PIP4K2B: variants seen among roughly 807,000 people sequenced by gnomAD.
PIP4K2B encodes the protein phosphatidylinositol 5-phosphate 4-kinase type-2 beta.
In PIP4K2B, 3 loss-of-function variants were observed where a neutral mutation model predicts 42.0. That is an observed-to-expected ratio of 0.07 (90% confidence interval 0.03 to 0.18). The LOEUF (loss-of-function observed/expected upper bound fraction) is 0.18. PIP4K2B is among the 10% of genes least tolerant of loss of function. The pLI, the probability that PIP4K2B is intolerant of heterozygous loss-of-function variation, is 1.00. For synonymous variants in PIP4K2B, 204 were observed against 210.1 expected (o/e 0.97, Z 0.25); for missense variants, 332 against 562.3 (o/e 0.59, Z 4.14).
intron 2 of PIP4K2B, among the ~76,000 whole-genome samples, chr17:38,785,831 G>A (rs1184836965): frequency 2.6e-5 from 4 of 152,186 alleles, no homozygotes. Context: ...CCCTGAAGGG[G>A]GTAGTGGTGC....
Position 38,799,430 on chromosome 17 carries a change from G to GGGCGGC in PIP4K2B, c.-12_-7dup, listed in dbSNP as rs538543660. The GGGCGGC allele has an allele frequency of 1.4e-4, 220 of 1,574,950 alleles. No homozygotes were observed. The highest frequency in any genetic ancestry group is 1.0e-3 in the African/African-American group (73 of 72,684). On this transcript the variant is annotated 5_prime_UTR_variant, in exon 1 of 10. Transcript: ENST00000619039. This position sits in a 1 kb window ranked among gnomAD's most constrained non-coding sequence, Gnocchi z 4.4. ...CTGGTGCAGTTGGACGACATGCCCG[G>GGGCGGC]GGCGGCGGCGGCGGCGGCGAAAGAG...
chr17:38,788,321 C>T (rs1910154576), intron 1 of PIP4K2B, among the ~76,000 whole-genome samples: 1 of 151,958 alleles, frequency 6.6e-6, no homozygotes, highest in Admixed American at 6.6e-5. Flanking sequence ...CTGCCTCAGC[C>T]TCCAGAGTAG....
At chr17:38,777,294 A>G (rs774478243) in intron 7 of PIP4K2B, among the ~76,000 whole-genome samples, 1 of 152,054 alleles carries the variant, frequency 6.6e-6, no homozygotes, top group Non-Finnish European at 1.5e-5. Context: ...TGAACTGCTG[A>G]GCTCAAGCGA....
Position 38,780,437 on chromosome 17 carries a change from T to C in PIP4K2B, c.507+15A>G. 4 of 1,600,404 alleles carry C rather than the reference T, an allele frequency of 2.5e-6. No individual in the cohort carries two copies. The highest frequency in any genetic ancestry group is 2.2e-5 in the South Asian group (2 of 90,442). ...CAACCCATCCTCTGCAGCCCAGGCT[T>C]GGGACTCACCATACCTGGTGGTATT... is the stretch of plus-strand genomic sequence containing the variant. On this transcript the variant is annotated intron_variant, in intron 4 of 9. Transcript: ENST00000619039.
At chr17:38,772,106 C>T (rs899770536) in intron 7 of PIP4K2B, among the ~76,000 whole-genome samples, 7 of 151,994 alleles carry the variant, frequency 4.6e-5, no homozygotes, top group African/African-American at 1.7e-4. Context: ...GAGGATGGAG[C>T]GATGGATATG....
intron 7 of PIP4K2B, among the ~76,000 whole-genome samples, chr17:38,773,299 A>G (rs1567652980): frequency 6.6e-6 from 1 of 152,186 alleles, no homozygotes; most frequent in Non-Finnish European, 1.5e-5. Flanking sequence ...ACACAAAACC[A>G]TACAAGAATG....
chr17:38,788,692 A>T (rs1209427838), intron 1 of PIP4K2B, among the ~76,000 whole-genome samples: 1 of 151,498 alleles, frequency 6.6e-6, no homozygotes, highest in Non-Finnish European at 1.5e-5. Flanking sequence ...CCCTATCTCT[A>T]AAAAAAATAA....
At chr17:38,796,857 G>C (rs1910683568) in intron 1 of PIP4K2B, among the ~76,000 whole-genome samples, 1 of 152,168 alleles carries the variant, frequency 6.6e-6, no homozygotes, top group African/African-American at 2.4e-5. Flanking sequence ...TACAAAGTAG[G>C]CTTTTTTTGA....
At chr17:38,796,119 C>T (rs975901038) in intron 1 of PIP4K2B, among the ~76,000 whole-genome samples, 3 of 152,142 alleles carry the variant, frequency 2.0e-5, no homozygotes, top group Non-Finnish European at 4.4e-5. Context: ...GCCTGGGTGA[C>T]GGAGTGAGAC....
At position 38,770,561 on chromosome 17, in the gene PIP4K2B, GGAA is replaced by G. The variant is rs752545957; in HGVS notation, c.1067-25_1067-23del. The G allele has an allele frequency of 2.9e-6, 4 of 1,363,314 alleles. No individual in the cohort carries two copies. In the African/African-American group the frequency reaches 5.7e-5, roughly 20 times the overall value. 84.5% of individuals were successfully genotyped at this position (1,363,314 alleles called of 1,614,324 possible). On this transcript the variant is annotated intron_variant, in intron 8 of 9. Transcript: ENST00000619039. ...GAACCTGGAGGGACAAGGAGAGCAG[GGAA>G]GAAGGAAGAGGGGGCAGGAGAAGGG...
intron 1 of PIP4K2B, 110 bp from the exon 2 acceptor site, chr17:38,787,030 C>T: frequency 1.3e-6 from 1 of 782,586 alleles, no homozygotes; most frequent in South Asian, 1.4e-5. Flanking sequence ...CCAAGTTTCC[C>T]TCTCTGTCTT....
At chr17:38,790,166 G>C (rs1461524762) in intron 1 of PIP4K2B, among the ~76,000 whole-genome samples, 1 of 152,034 alleles carries the variant, frequency 6.6e-6, no homozygotes, top group African/African-American at 2.4e-5. Flanking sequence ...ACCCTTCATT[G>C]GCTAAACCCT....
intron 7 of PIP4K2B, chr17:38,775,898 C>A: frequency 2.8e-6 from 1 of 353,454 alleles, no homozygotes; most frequent in South Asian, 2.1e-5. Flanking sequence ...AATTCTGACA[C>A]ATGATACAGT....
At chr17:38,781,456 T>C (rs1022129813) in intron 3 of PIP4K2B, among the ~76,000 whole-genome samples, 16 of 152,114 alleles carry the variant, frequency 1.1e-4, no homozygotes, top group Non-Finnish European at 2.2e-4. Context: ...AAAACATACA[T>C]GGGGATCATG....
Position 38,791,406 on chromosome 17 carries a change from A to ATTTTTTTTTTTTT in PIP4K2B, c.160-4499_160-4487dup, listed in dbSNP as rs58027566. 9.7e-4 allele frequency among the ~76,000 whole-genome samples: 88 copies of ATTTTTTTTTTTTT among 91,156 alleles called. 9 individuals carry two copies. The highest frequency in any genetic ancestry group is 3.4e-3 in the African/African-American group (69 of 20,134). The allele number at this position is 91,156 out of a possible 152,430, so 59.8% of individuals were successfully genotyped here. On this transcript the variant is annotated intron_variant, in intron 1 of 9. Transcript: ENST00000619039. ...TTTCCTAATCTGGCTCAGACTGCCA[A>ATTTTTTTTTTTTT]TTTTTTTTTTTTTTTTTTTTTTTTT...
chr17:38,777,119 T>C (rs112735654), intron 7 of PIP4K2B, among the ~76,000 whole-genome samples: 9,706 of 152,264 alleles, frequency 0.064, 392 homozygotes, highest in South Asian at 0.22. Context: ...GGCTGGAGTG[T>C]AGTGGTGAGA....
chr17:38,785,977 T>A (rs527605415), intron 2 of PIP4K2B, among the ~76,000 whole-genome samples: 4 of 152,150 alleles, frequency 2.6e-5, no homozygotes, highest in Non-Finnish European at 5.9e-5. Context: ...GTGGCAGCTA[T>A]GGAGACAGAC....
intron 7 of PIP4K2B, among the ~76,000 whole-genome samples, chr17:38,771,757 G>A (rs1411766876): frequency 6.6e-6 from 1 of 152,072 alleles, no homozygotes; most frequent in Non-Finnish European, 1.5e-5. Flanking sequence ...GGCTGGGCAC[G>A]GTGGCTCATG....
At chr17:38,773,456 G>A (rs540006670) in intron 7 of PIP4K2B, among the ~76,000 whole-genome samples, 1 of 152,120 alleles carries the variant, frequency 6.6e-6, no homozygotes, top group Non-Finnish European at 1.5e-5. Context: ...GCTGTGAGCA[G>A]GGTGGTGGTT....
Sources: allele counts gnomAD v4.1 joint callset (sites outside exome capture counted in the v4.1 genomes callset), GRCh38; gene constraint gnomAD v4.1.1; non-coding constraint Gnocchi (gnomAD v3.1); transcripts MANE v1.5; gene names NCBI Gene and HGNC (gene_info 2026-07-23, HGNC 2026-07-21).